IYD: variants seen among roughly 807,000 people sequenced by gnomAD.
IYD encodes the protein iodotyrosine deiodinase.
IYD carries 25 observed loss-of-function variants against 28.4 expected under a neutral mutation model. The ratio of observed to expected loss-of-function variants is 0.88; its 90% CI spans 0.64 to 1.23. The LOEUF is 1.23. Among genes scored for constraint, IYD ranks in the 50% most tolerant of loss-of-function variants. IYD has a pLI of 0.00. For missense variants in IYD, 352 were observed against 357.9 expected, an observed-to-expected ratio of 0.98 and a Z score of 0.13; for synonymous variants, 140 against 130.8, an observed-to-expected ratio of 1.07 and a Z score of -0.48.
chr6:150,370,403 A>C (rs931615465), intron 1 of IYD: 1 of 756,824 alleles, frequency 1.3e-6, no homozygotes, highest in South Asian at 6.1e-5. Flanking sequence ...GCATGCATGA[A>C]TGTGTGTGTG....
chr6:150,370,843 G>T (rs1443602350), intron 1 of IYD, among the ~76,000 whole-genome samples: 1 of 152,144 alleles, frequency 6.6e-6, no homozygotes, highest in Non-Finnish European at 1.5e-5. Flanking sequence ...AGTGGGTGAG[G>T]GAATGAGGAT....
Position 150,392,379 on chromosome 6 carries a change from G to A in IYD, c.405G>A (p.Trp135Ter), listed in dbSNP as rs867336368. Residue 135 changes from tryptophan to a stop codon, truncating the protein, a stop_gained, in exon 3 of 5, where the codon TGG becomes TGA. Transcript: ENST00000344419. LOFTEE classifies it high-confidence loss of function. ...CGAGTGGGGCTCACACAGAGCCCTGGACCTTCGTGGTTGTGAAGGACCCAG... is the reference window on the plus strand; with the variant it reads ...CGAGTGGGGCTCACACAGAGCCCTGAACCTTCGTGGTTGTGAAGGACCCAG... ...TAPSGAHTEP[W>*]TFVVVKDPDV... is the part of the protein sequence containing the mutation. 6.2e-7 allele frequency: 1 copy of A among 1,613,772 alleles called. No homozygotes were observed. The highest frequency in any genetic ancestry group is 1.3e-5 in the African/African-American group (1 of 75,026).
intron 1 of IYD, among the ~76,000 whole-genome samples, chr6:150,370,220 C>T (rs568559764): frequency 2.6e-3 from 382 of 145,094 alleles, no homozygotes; most frequent in Non-Finnish European, 3.8e-3. Context: ...TGTGTGTGCG[C>T]GTGCGTGTGT....
intron 4 of IYD, chr6:150,395,963 C>A: frequency 2.4e-6 from 1 of 421,678 alleles, no homozygotes; most frequent in South Asian, 3.9e-5. Context: ...TGCTCTGCTT[C>A]CATGGTTGGC....
chr6:150,373,048 C>T (rs763831332), intron 1 of IYD, among the ~76,000 whole-genome samples: 6 of 152,176 alleles, frequency 3.9e-5, no homozygotes, highest in Admixed American at 1.3e-4. Flanking sequence ...AAACACATCT[C>T]ATCAAGATGA....
At position 150,403,726 on chromosome 6, in the gene IYD, A is replaced by G. The variant is rs774718930; in HGVS notation, c.*5489A>G. 6.6e-6 allele frequency: 1 copy of G among 152,262 alleles called. No homozygotes were observed. The highest frequency in any genetic ancestry group is 1.5e-5 in the Non-Finnish European group (1 of 68,052). 9.4% of individuals were successfully genotyped at this position (152,262 alleles called of 1,614,324 possible). ...CCATTTGGGAAATTCCTAAAAAGTC[A>G]TGAGGCAGGGGATTGGTTTATGTTA... On this transcript the variant is annotated 3_prime_UTR_variant, in exon 5 of 5. Transcript: ENST00000344419.
At chr6:150,388,630 G>GCTTTCTTTCTTTCTTCCTTTCTTT (rs1554231469) in intron 1 of IYD, among the ~76,000 whole-genome samples, 1 of 129,364 alleles carries the variant, frequency 7.7e-6, no homozygotes, top group Non-Finnish European at 1.6e-5. Flanking sequence ...TGGAGTTTTT[G>GCTTTCTTTCTTTCTTCCTTTCTTT]CTTTCTTTCT....
In IYD at chr6:150,392,139, C is replaced by T. The variant is rs138957310; in HGVS notation, c.371-206C>T. 1,594 of 187,954 alleles carry T rather than the reference C, an allele frequency of 8.5e-3. 31 individuals carry two copies. Among genetic ancestry groups the T allele is most frequent in the African/African-American group, 0.035 (1,481 of 42,076 alleles). 11.6% of individuals were successfully genotyped at this position (187,954 alleles called of 1,614,324 possible). ...TGCCTCCCGAGCTCAAGCAATCCTC[C>T]CACCTCTACCTCCCAAGCAGCTGGG... On this transcript the variant is annotated intron_variant, in intron 2 of 4. Coordinates refer to ENST00000344419, the MANE Select transcript of IYD (RefSeq NM_203395.3).
chr6:150,390,469 G>A (rs1018868945), intron 2 of IYD, among the ~76,000 whole-genome samples: 4 of 152,004 alleles, frequency 2.6e-5, no homozygotes, highest in Admixed American at 2.6e-4. Flanking sequence ...AAATAAAATG[G>A]GTACAAAGTT....
chr6:150,390,295 GAGT>G (rs1778065382), intron 2 of IYD, among the ~76,000 whole-genome samples: 3 of 152,156 alleles, frequency 2.0e-5, no homozygotes, highest in Non-Finnish European at 4.4e-5. Context: ...TTAGATTGTT[GAGT>G]CCTTAGCCTA....
intron 3 of IYD, among the ~76,000 whole-genome samples, chr6:150,393,229 C>T (rs1331071993): frequency 6.6e-6 from 1 of 152,140 alleles, no homozygotes; most frequent in African/African-American, 2.4e-5. Context: ...GGTAACAGCT[C>T]CAGGGGAGGC....
chr6:150,381,784 A>C (rs1395853779), intron 1 of IYD, among the ~76,000 whole-genome samples: 1 of 152,210 alleles, frequency 6.6e-6, no homozygotes, highest in Admixed American at 6.5e-5. Flanking sequence ...GTAAGGGTCA[A>C]ATATAATGCA....
intron 4 of IYD, chr6:150,395,558 G>A (rs377090365): frequency 8.5e-6 from 13 of 1,537,140 alleles, no homozygotes; most frequent in South Asian, 4.8e-5. Flanking sequence ...AGCTCACAAG[G>A]CTGCCCAGGT....
Position 150,389,516 on chromosome 6 carries a change from G to A in IYD, c.343G>A (p.Val115Ile), listed in dbSNP as rs1444707339. 1.2e-6 allele frequency: 2 copies of A among 1,614,138 alleles called. No homozygotes were observed. Among genetic ancestry groups the A allele is most frequent in the South Asian group, 1.1e-5 (1 of 91,082 alleles). Residue 115 changes from valine (V) to isoleucine (I), a missense_variant, in exon 2 of 5, where the codon GTC becomes ATC. Coordinates refer to ENST00000344419, the MANE Select transcript of IYD (RefSeq NM_203395.3). ...FISNEQVPME[V>I]IDNVIRTAGT... ...AAGTAATGAGCAAGTCCCAATGGAAGTCATTGATAATGTCATCAGAACGGC... is the reference window on the plus strand; with the variant it reads ...AAGTAATGAGCAAGTCCCAATGGAAATCATTGATAATGTCATCAGAACGGC...
At chr6:150,388,705 CT>C (rs34498269) in intron 1 of IYD, among the ~76,000 whole-genome samples, 1,675 of 92,682 alleles carry the variant, frequency 0.018, 36 homozygotes, top group African/African-American at 0.061. Context: ...CTTCCTTTCT[CT>C]TTTTTTTTTT....
At chr6:150,388,566 T>A (rs1312274477) in intron 1 of IYD, among the ~76,000 whole-genome samples, 1 of 152,164 alleles carries the variant, frequency 6.6e-6, no homozygotes, top group Non-Finnish European at 1.5e-5. Context: ...TTAACAGAAA[T>A]GTGAATTCCT....
chr6:150,395,502 C>T, intron 4 of IYD: 1 of 1,537,300 alleles, frequency 6.5e-7, no homozygotes, highest in Non-Finnish European at 8.7e-7. Context: ...GGCACCGCCA[C>T]CTGATTGAGG....
At position 150,400,206 on chromosome 6, in the gene IYD, C is replaced by CAA. The variant is rs1181290109; in HGVS notation, c.*1970_*1971dup. ...GAGTCAGCCTTACCCCATCAGAGAC[C>CAA]AACTTGAAAGATTTTTTTCTCTGTG... On this transcript the variant is annotated 3_prime_UTR_variant, in exon 5 of 5. Transcript: ENST00000344419. 1 of 152,120 alleles carries CAA rather than the reference C, an allele frequency of 6.6e-6. No homozygotes were observed. Among genetic ancestry groups the CAA allele is most frequent in the Non-Finnish European group, 1.5e-5 (1 of 68,028 alleles). 9.4% of individuals were successfully genotyped at this position (152,120 alleles called of 1,614,324 possible). A position where few individuals can be genotyped will look rare whatever the true frequency, so the allele number is the denominator to read the frequency against.
rs1452712345 is a variant in IYD at position 150,395,616 on chromosome 6, C to T, written c.687+1361C>T. On this transcript the variant is annotated intron_variant, in intron 4 of 4. Transcript: ENST00000344419. ...TTCACTTTGCCATTGAGTTTGCTGCCCCCTAGCTTTCATAAGGCATAATCC... is the reference window on the plus strand; with the variant it reads ...TTCACTTTGCCATTGAGTTTGCTGCTCCCTAGCTTTCATAAGGCATAATCC... The T allele has an allele frequency of 4.9e-6, 7 of 1,418,080 alleles. No homozygotes were observed. The African/African-American group carries it at 1.0e-4, about 20-fold the overall frequency. 87.8% of individuals were successfully genotyped at this position (1,418,080 alleles called of 1,614,324 possible).
Sources: allele counts gnomAD v4.1 joint callset (sites outside exome capture counted in the v4.1 genomes callset), GRCh38; gene constraint gnomAD v4.1.1; transcripts MANE v1.5; gene names NCBI Gene and HGNC (gene_info 2026-07-23, HGNC 2026-07-21).